Variants in PTPRT observed in about 807,000 individuals in gnomAD.
PTPRT encodes receptor-type tyrosine-protein phosphatase T.
A neutral mutation model predicts 176.8 loss-of-function variants in PTPRT; 56 were observed. The ratio of observed to expected loss-of-function variants is 0.32; its 90% CI spans 0.26 to 0.40. The LOEUF (loss-of-function observed/expected upper bound fraction) is 0.40. Ranked by LOEUF, PTPRT falls within the 10% of genes least tolerant of loss-of-function variation. PTPRT has a pLI of 1.00. For synonymous variants in PTPRT, 783 were observed against 739.0 expected, an observed-to-expected ratio of 1.06 and a Z score of -0.96; for missense variants, 1,540 against 1,908.2, an observed-to-expected ratio of 0.81 and a Z score of 3.60.
intron 1 of PTPRT, among the ~76,000 whole-genome samples, chr20:43,009,406 A>G (rs371937549): frequency 6.6e-6 from 1 of 152,272 alleles, no homozygotes; most frequent in East Asian, 1.9e-4. Context: ...CAATAAACAC[A>G]GCCCAGAGTG....
intron 6 of PTPRT, among the ~76,000 whole-genome samples, chr20:42,738,002 T>C (rs2076562868): frequency 1.3e-5 from 2 of 152,070 alleles, no homozygotes; most frequent in Non-Finnish European, 2.9e-5. Context: ...ATCTCACTCA[T>C]ACCTCACAAC....
At chr20:42,425,966 A>G (rs2059159621) in intron 9 of PTPRT, among the ~76,000 whole-genome samples, 1 of 152,186 alleles carries the variant, frequency 6.6e-6, no homozygotes, top group Admixed American at 6.5e-5. Context: ...TGGAAAAAGC[A>G]GATGATCAGA....
At chr20:42,833,496 T>C (rs948505423) in intron 2 of PTPRT, among the ~76,000 whole-genome samples, 2 of 151,888 alleles carry the variant, frequency 1.3e-5, no homozygotes, top group African/African-American at 4.8e-5. Flanking sequence ...GGAGGATGGA[T>C]TGATTGAGCC....
intron 7 of PTPRT, among the ~76,000 whole-genome samples, chr20:42,661,165 A>G (rs912632173): frequency 1.3e-5 from 2 of 152,158 alleles, no homozygotes; most frequent in African/African-American, 4.8e-5. Flanking sequence ...AGTGTTTTAA[A>G]TGGTTAAAAT....
In PTPRT at chr20:42,646,882, C is replaced by CTTTTTTTTTTTTTTTT. The variant is rs1161994908; in HGVS notation, c.1153+30968_1153+30983dup. On this transcript the variant is annotated intron_variant, in intron 7 of 30. Coordinates refer to ENST00000373187, the MANE Select transcript of PTPRT (RefSeq NM_007050.6). ...TCTAGAGATCCCAACCTAAGACAGC[C>CTTTTTTTTTTTTTTTT]TTTTTTTTTTTTTTTTTTTTTTTTT... Among the ~76,000 whole-genome samples the CTTTTTTTTTTTTTTTT allele has an allele frequency of 1.0e-4, 8 of 76,282 alleles. 1 individual carries two copies. The highest frequency in any genetic ancestry group is 6.0e-4 in the African/African-American group (8 of 13,366). 50.0% of individuals were successfully genotyped at this position (76,282 alleles called of 152,430 possible).
chr20:42,196,937 A>G (rs1991240601), intron 16 of PTPRT, among the ~76,000 whole-genome samples: 1 of 152,216 alleles, frequency 6.6e-6, no homozygotes, highest in African/African-American at 2.4e-5. Flanking sequence ...GCGGTATGAT[A>G]TGTCCATTAA....
intron 9 of PTPRT, among the ~76,000 whole-genome samples, chr20:42,444,484 A>T (rs2059346146): frequency 6.6e-6 from 1 of 152,206 alleles, no homozygotes; most frequent in African/African-American, 2.4e-5. Flanking sequence ...GAATTGTCTG[A>T]GGATGGACTC....
intron 27 of PTPRT, among the ~76,000 whole-genome samples, chr20:42,096,697 C>T (rs1985272066): frequency 6.6e-6 from 1 of 152,160 alleles, no homozygotes; most frequent in Admixed American, 6.5e-5. Flanking sequence ...AATCCTCCCG[C>T]CTCAGCCTCC....
chr20:42,495,994 A>G (rs1453943270), intron 7 of PTPRT, among the ~76,000 whole-genome samples: 1 of 152,196 alleles, frequency 6.6e-6, no homozygotes, highest in Non-Finnish European at 1.5e-5. Context: ...GTTGGTTAAA[A>G]CATATTTTGT....
chr20:42,742,341 C>T (rs1054039571), intron 6 of PTPRT, among the ~76,000 whole-genome samples: 1 of 152,212 alleles, frequency 6.6e-6, no homozygotes, highest in African/African-American at 2.4e-5. Context: ...GACAGAGCCT[C>T]CCTGCAGTAG....
intron 7 of PTPRT, among the ~76,000 whole-genome samples, chr20:42,613,384 C>T (rs752873249): frequency 3.3e-5 from 5 of 152,344 alleles, no homozygotes; most frequent in Non-Finnish European, 7.3e-5. Flanking sequence ...AGAACTGGAA[C>T]CTAGCAAATG....
chr20:43,067,305 G>A (rs1195997140), intron 1 of PTPRT, among the ~76,000 whole-genome samples: 4 of 152,170 alleles, frequency 2.6e-5, no homozygotes, highest in African/African-American at 4.8e-5. Context: ...ACGGGTGGTT[G>A]CCAGGGAATG....
chr20:42,242,206 C>T (rs2056368389), intron 14 of PTPRT, among the ~76,000 whole-genome samples: 1 of 152,190 alleles, frequency 6.6e-6, no homozygotes, highest in Non-Finnish European at 1.5e-5. Flanking sequence ...TGCCTTGCCA[C>T]CCTCCTACCA....
At chr20:42,283,123 T>C (rs1354140480) in intron 12 of PTPRT, among the ~76,000 whole-genome samples, 1 of 152,156 alleles carries the variant, frequency 6.6e-6, no homozygotes, top group Non-Finnish European at 1.5e-5. Flanking sequence ...GTGAACTATC[T>C]AGTTGTTGTT....
At chr20:42,922,601 A>T (rs1979219725) in intron 1 of PTPRT, among the ~76,000 whole-genome samples, 1 of 152,132 alleles carries the variant, frequency 6.6e-6, no homozygotes, top group East Asian at 1.9e-4. Flanking sequence ...AGGTTTCCTT[A>T]GTCTTGCCCA....
intron 25 of PTPRT, among the ~76,000 whole-genome samples, chr20:42,103,271 G>A (rs1488647586): frequency 6.6e-6 from 1 of 151,646 alleles, no homozygotes; most frequent in East Asian, 1.9e-4. Flanking sequence ...GTGTGGATCT[G>A]GTATACCTGA....
chr20:42,184,535 C>CTTCTTCTTCTTCTTCTTCTTCTTCT (rs1568652084), intron 16 of PTPRT, among the ~76,000 whole-genome samples: 9 of 36,606 alleles, frequency 2.5e-4, no homozygotes, highest in South Asian at 1.5e-3. Context: ...CTTCTTCTTC[C>CTTCTTCTTCTTCTTCTTCTTCTTCT]TCTTCCTCTT....
intron 22 of PTPRT, among the ~76,000 whole-genome samples, chr20:42,112,322 C>T (rs78363837): frequency 0.029 from 4,429 of 152,240 alleles, 230 homozygotes; most frequent in African/African-American, 0.1. Context: ...TTACCCTCTT[C>T]TGAAGAGAAC....
intron 8 of PTPRT, among the ~76,000 whole-genome samples, chr20:42,471,386 G>A (rs919248833): frequency 1.1e-4 from 16 of 152,100 alleles, no homozygotes; most frequent in African/African-American, 3.4e-4. Flanking sequence ...TCATGGGTTG[G>A]TGCTGTCTTC....
Sources: allele counts gnomAD v4.1 joint callset (sites outside exome capture counted in the v4.1 genomes callset), GRCh38; gene constraint gnomAD v4.1.1; transcripts MANE v1.5; gene names NCBI Gene and HGNC (gene_info 2026-07-23, HGNC 2026-07-21).